SPOCK3: variants seen among roughly 807,000 people sequenced by gnomAD.
The protein encoded by SPOCK3 is testican-3.
Under a neutral mutation model 56.6 loss-of-function variants are expected in SPOCK3, and 30 were observed. That is an observed-to-expected ratio of 0.53 (90% CI 0.40 to 0.72). The LOEUF (loss-of-function observed/expected upper bound fraction) is 0.72, where lower values mean the gene tolerates loss of function less well. Among genes scored for constraint, SPOCK3 ranks in the 30% least tolerant of loss-of-function variants. The pLI, the probability that SPOCK3 is intolerant of heterozygous loss-of-function variation, is 0.00. For missense variants in SPOCK3, 527 were observed against 530.0 expected (o/e 0.99, Z 0.06); for synonymous variants, 196 against 183.3 (o/e 1.07, Z -0.56).
At chr4:166,913,612 T>C (rs1264094524) in intron 4 of SPOCK3, among the ~76,000 whole-genome samples, 1 of 152,182 alleles carries the variant, frequency 6.6e-6, no homozygotes, top group African/African-American at 2.4e-5. Flanking sequence ...TTTTTTTCTT[T>C]TTGCTTTTTG....
chr4:166,906,598 C>T (rs1404382722), intron 5 of SPOCK3, among the ~76,000 whole-genome samples: 2 of 151,338 alleles, frequency 1.3e-5, no homozygotes, highest in Non-Finnish European at 2.9e-5. Flanking sequence ...AGATTGTTTT[C>T]TGCAACGAGT....
At chr4:167,140,222 A>G (rs1260918040) in intron 2 of SPOCK3, among the ~76,000 whole-genome samples, 1 of 152,082 alleles carries the variant, frequency 6.6e-6, no homozygotes, top group Non-Finnish European at 1.5e-5. Context: ...CACAAAGCAC[A>G]CTGGATAATA....
At chr4:166,776,431 AAAC>A (rs1739557304) in intron 7 of SPOCK3, among the ~76,000 whole-genome samples, 1 of 145,338 alleles carries the variant, frequency 6.9e-6, no homozygotes, top group Non-Finnish European at 1.6e-5. Flanking sequence ...GAAAACAAAA[AAAC>A]AACAAACAAA....
chr4:167,109,425 A>G (rs1253625252), intron 2 of SPOCK3, among the ~76,000 whole-genome samples: 7 of 102,712 alleles, frequency 6.8e-5, no homozygotes, highest in East Asian at 2.7e-4. Flanking sequence ...ATATAAATAT[A>G]TATATGATAA....
chr4:166,917,410 G>A (rs1179014189), intron 4 of SPOCK3, among the ~76,000 whole-genome samples: 1 of 151,968 alleles, frequency 6.6e-6, no homozygotes, highest in East Asian at 1.9e-4. Context: ...TAATCCCCAC[G>A]TGTCGAGGGA....
At chr4:166,922,349 T>C (rs1738591530) in intron 4 of SPOCK3, among the ~76,000 whole-genome samples, 1 of 152,226 alleles carries the variant, frequency 6.6e-6, no homozygotes, top group Admixed American at 6.5e-5. Flanking sequence ...AGGATTTTTC[T>C]ATAGTCTAAG....
At chr4:166,773,441 C>T (rs2126582424) in intron 7 of SPOCK3, among the ~76,000 whole-genome samples, 1 of 150,990 alleles carries the variant, frequency 6.6e-6, no homozygotes, top group East Asian at 2.0e-4. Context: ...TTTCTTTTAA[C>T]TTAGATGTTT....
At chr4:167,066,242 T>C (rs1376773973) in intron 2 of SPOCK3, among the ~76,000 whole-genome samples, 2 of 151,908 alleles carry the variant, frequency 1.3e-5, no homozygotes, top group African/African-American at 4.8e-5. Context: ...TTGGCATTAT[T>C]GATATTTTGA....
intron 3 of SPOCK3, among the ~76,000 whole-genome samples, chr4:167,059,754 A>G (rs1216155914): frequency 6.6e-6 from 1 of 152,210 alleles, no homozygotes. Flanking sequence ...AACAAACCCA[A>G]ATGTCCAACA....
At chr4:166,996,335 G>A (rs950867488) in intron 4 of SPOCK3, among the ~76,000 whole-genome samples, 1 of 152,114 alleles carries the variant, frequency 6.6e-6, no homozygotes, top group African/African-American at 2.4e-5. Context: ...CAGCAACACT[G>A]ATCTAGAAAT....
intron 8 of SPOCK3, among the ~76,000 whole-genome samples, chr4:166,752,569 TATATACACACAC>T (rs1193545046): frequency 3.2e-3 from 29 of 9,026 alleles, no homozygotes; most frequent in African/African-American, 0.01. Flanking sequence ...TATATATATA[TATATACACACAC>T]ACACACACAC....
At chr4:167,100,111 C>T (rs114327495) in intron 2 of SPOCK3, among the ~76,000 whole-genome samples, 227 of 152,190 alleles carry the variant, frequency 1.5e-3, no homozygotes, top group African/African-American at 5.4e-3. Context: ...GAATACCAAA[C>T]TCTCACTATC....
chr4:167,030,044 G>T (rs1026869068), intron 3 of SPOCK3, among the ~76,000 whole-genome samples: 1 of 151,368 alleles, frequency 6.6e-6, no homozygotes, highest in Non-Finnish European at 1.5e-5. Context: ...TATTCATAAA[G>T]ATTTCTATTT....
intron 2 of SPOCK3, among the ~76,000 whole-genome samples, chr4:167,066,945 CTGTT>C (rs956254017): frequency 1.3e-5 from 2 of 151,778 alleles, no homozygotes; most frequent in Non-Finnish European, 1.5e-5. Context: ...GAAAGGTCAA[CTGTT>C]TGGTTCATTT....
intron 2 of SPOCK3, among the ~76,000 whole-genome samples, chr4:167,205,291 ATATCTAT>A: frequency 2.0e-5 from 1 of 49,414 alleles, no homozygotes; most frequent in South Asian, 6.0e-4. Flanking sequence ...TATATATTTT[ATATCTAT>A]AATATATATT....
chr4:167,179,264 G>T (rs1304274430), intron 2 of SPOCK3, among the ~76,000 whole-genome samples: 1 of 152,136 alleles, frequency 6.6e-6, no homozygotes, highest in Non-Finnish European at 1.5e-5. Context: ...TTTCTAGGAT[G>T]AAAGTCTCCA....
intron 4 of SPOCK3, among the ~76,000 whole-genome samples, chr4:166,928,376 A>G (rs1739356358): frequency 6.6e-6 from 1 of 152,216 alleles, no homozygotes; most frequent in African/African-American, 2.4e-5. Context: ...CCAGACAATG[A>G]TACATTAGTC....
intron 2 of SPOCK3, among the ~76,000 whole-genome samples, chr4:167,137,412 T>TA (rs1490786896): frequency 6.6e-6 from 1 of 152,034 alleles, no homozygotes; most frequent in Non-Finnish European, 1.5e-5. Context: ...TTTCATCTTT[T>TA]AAAAAATTCA....
chr4:166,944,997 A>G (rs764112576), intron 4 of SPOCK3, among the ~76,000 whole-genome samples: 3 of 152,146 alleles, frequency 2.0e-5, no homozygotes, highest in Non-Finnish European at 4.4e-5. Context: ...GAATTCTTCC[A>G]CATGTCTTGT....
Sources: gnomAD v4.1 joint callset for allele counts (sites outside exome capture counted in the v4.1 genomes callset) on GRCh38, gnomAD v4.1.1 for gene constraint, MANE v1.5 for transcripts, NCBI Gene and HGNC (gene_info 2026-07-23, HGNC 2026-07-21) for gene names.